Variants in PRKD1 observed in about 807,000 individuals in gnomAD.
PRKD1 encodes the protein protein kinase D1.
Under a neutral mutation model 95.9 loss-of-function variants are expected in PRKD1, and 63 were observed. The ratio of observed to expected loss-of-function variants is 0.66; its 90% CI spans 0.54 to 0.81. The LOEUF is 0.81. Among genes scored for constraint, PRKD1 ranks in the 30% least tolerant of loss-of-function variants. The pLI is 0.00. For synonymous variants in PRKD1, 425 were observed against 423.1 expected (o/e 1.00, Z -0.05); for missense variants, 1,048 against 1,165.3 (o/e 0.90, Z 1.47).
chr14:29,888,694 A>C (rs575958543), intron 1 of PRKD1, among the ~76,000 whole-genome samples: 1 of 152,224 alleles, frequency 6.6e-6, no homozygotes, highest in Non-Finnish European at 1.5e-5. Context: ...AAAGTAGAGG[A>C]GTCATGCAAA....
chr14:29,733,785 A>T (rs926608442), intron 1 of PRKD1, among the ~76,000 whole-genome samples: 3 of 152,096 alleles, frequency 2.0e-5, no homozygotes, highest in African/African-American at 7.2e-5. Context: ...ATTCAAGATG[A>T]GATTTGGTTG....
intron 1 of PRKD1, among the ~76,000 whole-genome samples, chr14:29,803,028 C>T (rs1336281068): frequency 3.3e-5 from 5 of 152,136 alleles, no homozygotes; most frequent in South Asian, 2.1e-4. Context: ...TTCAATGAGC[C>T]GGACATGAGA....
Position 29,726,919 on chromosome 14 carries a change from T to A in PRKD1, c.265-1245A>T, listed in dbSNP as rs555851150. On this transcript the variant is annotated intron_variant, in intron 1 of 17. Coordinates refer to ENST00000331968, the MANE Select transcript of PRKD1 (RefSeq NM_002742.3). ...AGTCCTTTGGGTATATACCCAGTAATGGGATGGCTGGGTCAAATGGTATTT... is the reference window on the plus strand; with the variant it reads ...AGTCCTTTGGGTATATACCCAGTAAAGGGATGGCTGGGTCAAATGGTATTT... Among the ~76,000 whole-genome samples, 19 of 152,244 alleles carry A rather than the reference T, an allele frequency of 1.2e-4. No individual in the cohort carries two copies. In the South Asian group the frequency reaches 3.9e-3, roughly 32 times the overall value.
intron 1 of PRKD1, among the ~76,000 whole-genome samples, chr14:29,834,970 T>C (rs1891554806): frequency 6.6e-6 from 1 of 152,054 alleles, no homozygotes; most frequent in Admixed American, 6.5e-5. Flanking sequence ...AGACCTGAGT[T>C]GCATAGTGCT....
rs188030440 is a variant in PRKD1 at position 29,845,483 on chromosome 14, G to T, written c.264+81766C>A. On this transcript the variant is annotated intron_variant, in intron 1 of 17. Coordinates refer to ENST00000331968, the MANE Select transcript of PRKD1 (RefSeq NM_002742.3). ...TTTTTTGTATTGAAGTTCAACATTT[G>T]GAAAATACTTACATAAACTCTAAGC... Among the ~76,000 whole-genome samples the T allele has an allele frequency of 5.1e-3, 779 of 152,032 alleles. 2 individuals are homozygous for T. Among genetic ancestry groups the T allele is most frequent in the South Asian group, 0.021 (102 of 4,818 alleles).
chr14:29,601,457 T>C (rs1893515652), intron 13 of PRKD1, among the ~76,000 whole-genome samples: 1 of 152,182 alleles, frequency 6.6e-6, no homozygotes, highest in Non-Finnish European at 1.5e-5. Context: ...ATCTACCCAA[T>C]AGCCTTTAAC....
intron 1 of PRKD1, among the ~76,000 whole-genome samples, chr14:29,870,570 G>C (rs1313160741): frequency 6.6e-6 from 1 of 152,184 alleles, no homozygotes; most frequent in Non-Finnish European, 1.5e-5. Context: ...GAATACAGAG[G>C]AGGGAAACTG....
At chr14:29,739,994 A>C (rs189051754) in intron 1 of PRKD1, among the ~76,000 whole-genome samples, 1 of 152,326 alleles carries the variant, frequency 6.6e-6, no homozygotes, top group East Asian at 1.9e-4. Context: ...TTTAAAATAA[A>C]TGTTCATATC....
chr14:29,925,693 A>G (rs1164160670), intron 1 of PRKD1, among the ~76,000 whole-genome samples: 1 of 152,242 alleles, frequency 6.6e-6, no homozygotes, highest in Non-Finnish European at 1.5e-5. Context: ...AAGTCTATCA[A>G]TATTACTTTG....
Position 29,927,316 on chromosome 14 carries a change from TGCA to T in PRKD1, c.194_196del (p.Leu65del). The T allele has an allele frequency of 4.5e-6, 7 of 1,559,166 alleles. No homozygotes were observed. In the Admixed American group the frequency reaches 5.6e-5, roughly 12 times the overall value. On this transcript the variant is annotated inframe_deletion, in exon 1 of 18. Coordinates refer to ENST00000331968, the MANE Select transcript of PRKD1 (RefSeq NM_002742.3). ...CAGGCTGTAGTCCCCGGACGAGTCCTGCAGCAGCAGCACCGGCTCACGGCTCAG... is the reference window on the plus strand; with the variant it reads ...CAGGCTGTAGTCCCCGGACGAGTCCTGCAGCAGCACCGGCTCACGGCTCAG...
At chr14:29,867,021 A>G (rs991338725) in intron 1 of PRKD1, among the ~76,000 whole-genome samples, 1 of 152,102 alleles carries the variant, frequency 6.6e-6, no homozygotes, top group Non-Finnish European at 1.5e-5. Flanking sequence ...TGTTCTAAGA[A>G]CTGCTGGACA....
intron 1 of PRKD1, among the ~76,000 whole-genome samples, chr14:29,882,754 T>A (rs572352613): frequency 6.6e-6 from 1 of 152,330 alleles, no homozygotes; most frequent in African/African-American, 2.4e-5. Context: ...AGTATTTGTT[T>A]TTTTGTGACT....
intron 1 of PRKD1, among the ~76,000 whole-genome samples, chr14:29,785,915 T>C (rs1438289688): frequency 6.6e-6 from 1 of 151,770 alleles, no homozygotes; most frequent in African/African-American, 2.4e-5. Flanking sequence ...CCTTATCTTG[T>C]TCCAGTTCTT....
chr14:29,640,008 T>G (rs954206847), intron 4 of PRKD1, among the ~76,000 whole-genome samples: 1 of 152,232 alleles, frequency 6.6e-6, no homozygotes, highest in Admixed American at 6.5e-5. Flanking sequence ...TTTAGAATCA[T>G]CAGAATAAGA....
At chr14:29,792,671 T>G (rs2139197489) in intron 1 of PRKD1, among the ~76,000 whole-genome samples, 1 of 152,172 alleles carries the variant, frequency 6.6e-6, no homozygotes, top group Non-Finnish European at 1.5e-5. Context: ...CTAAAATGTC[T>G]TAAGTGCCAA....
intron 2 of PRKD1, among the ~76,000 whole-genome samples, chr14:29,685,827 A>C (rs555158200): frequency 6.6e-6 from 1 of 152,276 alleles, no homozygotes; most frequent in African/African-American, 2.4e-5. Context: ...CTTAGGAAAA[A>C]AACATTTCTA....
chr14:29,782,935 C>A (rs543468396), intron 1 of PRKD1, among the ~76,000 whole-genome samples: 1 of 152,308 alleles, frequency 6.6e-6, no homozygotes, highest in African/African-American at 2.4e-5. Context: ...TACAAGCATG[C>A]AATTTGTATT....
chr14:29,594,626 T>C (rs1893238744), intron 16 of PRKD1, among the ~76,000 whole-genome samples: 4 of 152,190 alleles, frequency 2.6e-5, no homozygotes, highest in Admixed American at 2.6e-4. Flanking sequence ...ATTTTATCTT[T>C]GTCAAAATCA....
chr14:29,649,197 T>G (rs1201375659), intron 4 of PRKD1, among the ~76,000 whole-genome samples: 2 of 152,132 alleles, frequency 1.3e-5, no homozygotes, highest in Non-Finnish European at 2.9e-5. Flanking sequence ...TTTAATTTCT[T>G]GCAGTTTTGA....
Sources: gnomAD v4.1 joint callset for allele counts (sites outside exome capture counted in the v4.1 genomes callset) on GRCh38, gnomAD v4.1.1 for gene constraint, MANE v1.5 for transcripts, NCBI Gene and HGNC (gene_info 2026-07-23, HGNC 2026-07-21) for gene names.